Variants in IL1RAPL1 observed in about 807,000 individuals in gnomAD.
IL1RAPL1 encodes interleukin 1 receptor accessory protein like 1, also known as interleukin-1 receptor accessory protein-like 1.
A neutral mutation model predicts 48.4 loss-of-function variants in IL1RAPL1; 3 were observed. That is an observed-to-expected ratio of 0.06 (90% CI 0.03 to 0.16). IL1RAPL1 has a LOEUF of 0.16. Among genes scored for constraint, IL1RAPL1 ranks in the 10% least tolerant of loss-of-function variants. The pLI, the probability that IL1RAPL1 is intolerant of heterozygous loss-of-function variation, is 1.00. For synonymous variants in IL1RAPL1, 185 were observed against 187.7 expected, an observed-to-expected ratio of 0.99 and a Z score of 0.12; for missense variants, 349 against 530.6, an observed-to-expected ratio of 0.66 and a Z score of 3.36.
At chrX:29,521,853 C>CT (rs1459721097) in intron 5 of IL1RAPL1, among the ~76,000 whole-genome samples, 1 of 111,684 alleles carries the variant, frequency 9.0e-6, no homozygotes, top group Admixed American at 9.5e-5. Context: ...GGGAAATAGG[C>CT]TTTTTTCCTC....
chrX:29,734,852 C>T (rs1021328673), intron 6 of IL1RAPL1, among the ~76,000 whole-genome samples: 16 of 111,256 alleles, frequency 1.4e-4, no homozygotes, highest in Admixed American at 1.3e-3. Context: ...TGAACCCCAC[C>T]CCCCAATTCC....
intron 5 of IL1RAPL1, among the ~76,000 whole-genome samples, chrX:29,418,120 TATATA>T (rs1435552799): frequency 9.6e-4 from 34 of 35,341 alleles, no homozygotes; most frequent in African/African-American, 2.8e-3. Flanking sequence ...TATATATATA[TATATA>T]TTTTTTTTTT....
intron 3 of IL1RAPL1, among the ~76,000 whole-genome samples, chrX:29,363,795 G>A (rs995400662): frequency 1.8e-5 from 2 of 110,946 alleles, no homozygotes; most frequent in Non-Finnish European, 3.8e-5. Flanking sequence ...TCTATCACTA[G>A]AACAGCACCA....
chrX:29,428,548 T>TA (rs1350952628), intron 5 of IL1RAPL1, among the ~76,000 whole-genome samples: 9 of 108,879 alleles, frequency 8.3e-5, no homozygotes, highest in South Asian at 3.9e-4. Flanking sequence ...TTTGCTTTGT[T>TA]AAAAAAAAAC....
intron 2 of IL1RAPL1, among the ~76,000 whole-genome samples, chrX:29,125,544 T>C (rs185921784): frequency 1.2e-4 from 14 of 112,090 alleles, no homozygotes; most frequent in South Asian, 3.7e-4. Flanking sequence ...GCACACTGCA[T>C]TTTGAAAGAG....
chrX:29,212,998 T>C (rs1055266361), intron 2 of IL1RAPL1, among the ~76,000 whole-genome samples: 6 of 104,975 alleles, frequency 5.7e-5, no homozygotes, highest in Non-Finnish European at 1.2e-4. Flanking sequence ...ATTAGACAAC[T>C]TTTTTTTTTC....
intron 6 of IL1RAPL1, among the ~76,000 whole-genome samples, chrX:29,787,259 G>A (rs992082047): frequency 1.3e-4 from 14 of 111,115 alleles, no homozygotes; most frequent in African/African-American, 4.6e-4. Flanking sequence ...GAGGATGAGG[G>A]GGCTGGAGTA....
chrX:29,721,622 T>C (rs1415737299), intron 6 of IL1RAPL1, among the ~76,000 whole-genome samples: 1 of 112,041 alleles, frequency 8.9e-6, no homozygotes, highest in Non-Finnish European at 1.9e-5. Context: ...TCAGTCCATT[T>C]AAAAGATGAA....
intron 2 of IL1RAPL1, 73 bp from the exon 3 acceptor site, chrX:29,282,865 G>T: frequency 9.6e-7 from 1 of 1,037,697 alleles, no homozygotes; most frequent in Non-Finnish European, 1.3e-6. Flanking sequence ...TTGGATGAAT[G>T]AATAATCTAA....
intron 1 of IL1RAPL1, among the ~76,000 whole-genome samples, chrX:28,785,241 C>T (rs1420223850): frequency 1.8e-5 from 2 of 111,787 alleles, no homozygotes; most frequent in African/African-American, 6.5e-5. Context: ...CCACCCGCCT[C>T]AGCCTCCCCA....
At chrX:28,610,272 G>A (rs1185599744) in intron 1 of IL1RAPL1, among the ~76,000 whole-genome samples, 2 of 111,928 alleles carry the variant, frequency 1.8e-5, no homozygotes, top group East Asian at 2.8e-4. Flanking sequence ...TGTACAGCAG[G>A]CTTCTGGGAC....
chrX:28,721,494 G>A (rs1287336471), intron 1 of IL1RAPL1, among the ~76,000 whole-genome samples: 5 of 111,379 alleles, frequency 4.5e-5, no homozygotes, highest in African/African-American at 1.3e-4. Flanking sequence ...CTGGATATTA[G>A]CCCTTTGTCA....
chrX:29,939,767 GA>G (rs1569208379), intron 8 of IL1RAPL1, among the ~76,000 whole-genome samples: 1 of 110,321 alleles, frequency 9.1e-6, no homozygotes, highest in Non-Finnish European at 1.9e-5. Flanking sequence ...AATAATTACA[GA>G]AAAACACACT....
chrX:29,417,027 A>T (rs1488066530), intron 5 of IL1RAPL1, among the ~76,000 whole-genome samples: 1 of 112,009 alleles, frequency 8.9e-6, no homozygotes, highest in Non-Finnish European at 1.9e-5. Flanking sequence ...AATTACATAA[A>T]GGAATTTAAA....
At chrX:29,653,286 C>T (rs140797275) in intron 5 of IL1RAPL1, among the ~76,000 whole-genome samples, 10,262 of 111,654 alleles carry the variant, frequency 0.092, 382 homozygotes, top group Middle Eastern at 0.22. Context: ...GTACTTATCA[C>T]CAAGCTTTAG....
chrX:28,596,647 C>T (rs1042806720), intron 1 of IL1RAPL1, among the ~76,000 whole-genome samples: 1 of 111,677 alleles, frequency 9.0e-6, no homozygotes, highest in Non-Finnish European at 1.9e-5. Context: ...AAAATGGTCT[C>T]GTATTTGCAT....
At chrX:29,322,023 T>G (rs1932806937) in intron 3 of IL1RAPL1, among the ~76,000 whole-genome samples, 1 of 110,498 alleles carries the variant, frequency 9.0e-6, no homozygotes, top group Non-Finnish European at 1.9e-5. Context: ...AAAAAAACCC[T>G]AATTTTCAAT....
At chrX:29,848,065 C>G (rs887214167) in intron 6 of IL1RAPL1, among the ~76,000 whole-genome samples, 4 of 110,927 alleles carry the variant, frequency 3.6e-5, no homozygotes, top group African/African-American at 9.8e-5. Context: ...GAGTTCAACT[C>G]TTTACAGATG....
intron 1 of IL1RAPL1, among the ~76,000 whole-genome samples, chrX:28,748,990 A>G (rs1457653905): frequency 8.9e-6 from 1 of 111,794 alleles, no homozygotes; most frequent in Non-Finnish European, 1.9e-5. Flanking sequence ...ATCAACTTTT[A>G]AAAAACCCAC....
Sources: gnomAD v4.1 joint callset for allele counts (sites outside exome capture counted in the v4.1 genomes callset) on GRCh38, gnomAD v4.1.1 for gene constraint, MANE v1.5 for transcripts, NCBI Gene and HGNC (gene_info 2026-07-23, HGNC 2026-07-21) for gene names.